Variants in NBPF10 observed in about 807,000 individuals in gnomAD.
The protein encoded by NBPF10 is NBPF member 10.
Under a neutral mutation model 77.9 loss-of-function variants are expected in NBPF10, and 63 were observed. That is an observed-to-expected ratio of 0.81 (90% confidence interval 0.66 to 1.00). The LOEUF (loss-of-function observed/expected upper bound fraction) is 1.00, where lower values mean the gene tolerates loss of function less well. Ranked by LOEUF, NBPF10 falls within the 50% of genes least tolerant of loss-of-function variation. NBPF10 has a pLI of 0.00. For synonymous variants in NBPF10, 146 were observed against 264.5 expected (o/e 0.55, Z 4.35); for missense variants, 522 against 679.8 (o/e 0.77, Z 2.58).
chr1:146,067,892 T>A (rs1467626426), intron 88 of NBPF10, 111 bp downstream of exon 88: 1 of 699,962 alleles, frequency 1.4e-6, no homozygotes, highest in Non-Finnish European at 2.6e-6. Context: ...CCATAGGTCC[T>A]GCCTGCGGCA....
At chr1:146,135,876 G>C (rs113022147) in intron 7 of NBPF10, among the ~76,000 whole-genome samples, 1 of 143,250 alleles carries the variant, frequency 7.0e-6, no homozygotes, top group Non-Finnish European at 1.5e-5. Flanking sequence ...GCGGCCACTA[G>C]ATACAAAGCC....
At chr1:146,140,287 T>C (rs1571231092) in intron 4 of NBPF10, among the ~76,000 whole-genome samples, 197 bp downstream of exon 4, 1 of 127,376 alleles carries the variant, frequency 7.9e-6, no homozygotes, top group Middle Eastern at 3.5e-3. Flanking sequence ...TATCCCTGCA[T>C]GGTACAGACA....
At chr1:146,081,030 C>CAGAGAG (rs1174335533) in intron 71 of NBPF10, among the ~76,000 whole-genome samples, 6 of 35,436 alleles carry the variant, frequency 1.7e-4, no homozygotes, top group Non-Finnish European at 2.5e-4. Flanking sequence ...CACACACACA[C>CAGAGAG]AGAGAGAGAG....
rs1659126350 is a variant in NBPF10 at position 146,129,942 on chromosome 1, G to C, written c.1638-1660C>G. The stretch of plus-strand genomic sequence containing the variant: ...TAATACTTTAAGTCTTAGGGTACAT[G>C]TGCACAACGTGCAGGTTAGTTACAT... On this transcript the variant is annotated intron_variant, in intron 11 of 89. Coordinates refer to ENST00000583866, the Ensembl canonical transcript of NBPF10. 3.1e-5 allele frequency among the ~76,000 whole-genome samples: 3 copies of C among 97,636 alleles called. 1 individual carries two copies. In the Admixed American group the frequency reaches 3.2e-4, roughly 10 times the overall value. The allele number at this position is 97,636 out of a possible 152,430, so 64.1% of individuals were successfully genotyped here.
chr1:146,080,990 C>G (rs1229912094), intron 71 of NBPF10, among the ~76,000 whole-genome samples: 20 of 79,582 alleles, frequency 2.5e-4, no homozygotes, highest in African/African-American at 5.3e-4. Context: ...CACACACACA[C>G]ACACACACAC....
Position 146,126,320 on chromosome 1 carries a change from C to G in NBPF10, c.1942G>C (p.Glu648Gln), listed in dbSNP as rs587712953. 6.5e-5 allele frequency: 88 copies of G among 1,351,732 alleles called. No individual in the cohort carries two copies. The Admixed American group carries it at 7.6e-4, about 12-fold the overall frequency. The allele number at this position is 1,351,732 out of a possible 1,614,324, so 83.7% of individuals were successfully genotyped here. The change falls in exon 14 of 90, where the codon GAA becomes CAA. Residue 648 changes from glutamate to glutamine, a missense_variant. By Grantham distance (29) the Glu-to-Gln change is conservative. Around this residue, in one of 9 missense-constraint regions of NBPF10, gnomAD observed 178 missense variants for 77.7 expected, o/e 2.29. Transcript: ENST00000583866. ...TAGGGCTGGCATGAGTCAGTCAGTT[C>G]AAGACAACCTGAAGGAGTTGAATAA...
chr1:146,066,721 G>C (rs1208934721), intron 89 of NBPF10, among the ~76,000 whole-genome samples, 160 bp from the exon 90 acceptor site: 3 of 149,722 alleles, frequency 2.0e-5, no homozygotes, highest in South Asian at 2.2e-4. Context: ...TGTTGGGATA[G>C]AACAGGGCCA....
intron 13 of NBPF10, among the ~76,000 whole-genome samples, chr1:146,126,732 T>C (rs1553790230): frequency 6.9e-6 from 1 of 145,574 alleles, no homozygotes; most frequent in Admixed American, 7.0e-5. Context: ...ACAGTGATCA[T>C]GAAAAGCATG....
At chr1:146,124,601 G>A (rs1658414685) in intron 16 of NBPF10, 87 bp downstream of exon 16, 1 of 55,554 alleles carries the variant, frequency 1.8e-5, no homozygotes, top group Non-Finnish European at 3.1e-5. Context: ...ACGTCTCTCG[G>A]GTCAGTAAGG....
intron 85 of NBPF10, 41 bp downstream of exon 85, chr1:146,070,283 T>G (rs1163081174): frequency 8.9e-6 from 2 of 223,846 alleles, no homozygotes; most frequent in Non-Finnish European, 1.5e-5. Context: ...TGCCTCCAGG[T>G]GTTAACACAG....
At chr1:146,139,077 C>T (rs1263958696) in intron 5 of NBPF10, among the ~76,000 whole-genome samples, 5 of 134,720 alleles carry the variant, frequency 3.7e-5, no homozygotes, top group East Asian at 4.5e-4. Flanking sequence ...GCCAGCGCCC[C>T]TGGTCAGAGA....
intron 19 of NBPF10, 105 bp from the exon 20 acceptor site, chr1:146,121,775 G>C (rs1658196375): frequency 1.6e-6 from 1 of 608,308 alleles, no homozygotes; most frequent in Admixed American, 2.9e-5. Flanking sequence ...AAAAGAAAAA[G>C]GACAGATCCA....
At position 146,068,572 on chromosome 1, in the gene NBPF10, C is replaced by A. The variant is rs879972234; in HGVS notation, c.10862+200G>T. 6.7e-5 allele frequency among the ~76,000 whole-genome samples: 2 copies of A among 29,992 alleles called. 1 individual carries two copies. The highest frequency in any genetic ancestry group is 1.8e-4 in the African/African-American group (2 of 10,918). 19.7% of individuals were successfully genotyped at this position (29,992 alleles called of 152,430 possible). On this transcript the variant is annotated intron_variant, in intron 87 of 89. Transcript: ENST00000583866. Reference sequence around the variant, plus strand: ...CATACAGCCTTTGACGTATGGTCAACCTATAGTAAGTGAGTAAATGATAAG... The same window carrying A: ...CATACAGCCTTTGACGTATGGTCAAACTATAGTAAGTGAGTAAATGATAAG...
intron 35 of NBPF10, 37 bp from the exon 36 acceptor site, chr1:146,109,151 GA>G (rs1657322018): frequency 2.1e-4 from 9 of 43,652 alleles, no homozygotes; most frequent in African/African-American, 1.7e-3. Flanking sequence ...TAAGCCAGGG[GA>G]AATCAGACAC....
At chr1:146,067,917 G>A (rs1166472153) in intron 88 of NBPF10, 86 bp downstream of exon 88, 3 of 706,920 alleles carry the variant, frequency 4.2e-6, no homozygotes, top group African/African-American at 3.6e-5. Context: ...CGTCTCTCGG[G>A]TCAGCAAGGG....
chr1:146,142,337 C>T (rs4339812), intron 2 of NBPF10, among the ~76,000 whole-genome samples: 36 of 130,474 alleles, frequency 2.8e-4, no homozygotes, highest in East Asian at 1.8e-3. Context: ...AGTGGGGTGG[C>T]GATAGCACAC....
intron 5 of NBPF10, among the ~76,000 whole-genome samples, chr1:146,139,387 G>A (rs587741756): frequency 6.6e-6 from 1 of 151,852 alleles, no homozygotes; most frequent in African/African-American, 2.4e-5. Flanking sequence ...CGGATTACAG[G>A]TGTGACCCAC....
chr1:146,066,852 C>A (rs1655123743), intron 89 of NBPF10, among the ~76,000 whole-genome samples: 1 of 151,500 alleles, frequency 6.6e-6, no homozygotes, highest in Admixed American at 6.6e-5. Context: ...AAAGGACACT[C>A]TGACTTAGTG....
chr1:146,141,756 C>T lies in NBPF10; in HGVS notation c.341G>A (p.Arg114Gln), dbSNP rs781792217. The change falls in exon 3 of 90, where the codon CGG (arginine) becomes CAG (glutamine). Residue 114 changes from arginine to glutamine, a missense_variant. By Grantham distance (43) the Arg-to-Gln change is conservative. Coordinates refer to ENST00000583866, the Ensembl canonical transcript of NBPF10. The stretch of plus-strand genomic sequence containing the variant: ...TGAGCGGGAGGCATCTCTCCCTTCC[C>T]GTAACTTCTCCCTTAGCTGGGTCAG... 20 of 1,339,146 alleles carry T rather than the reference C, an allele frequency of 1.5e-5. 1 individual carries two copies. Among genetic ancestry groups the T allele is most frequent in the South Asian group, 4.0e-5 (3 of 74,450 alleles). 83.0% of individuals were successfully genotyped at this position (1,339,146 alleles called of 1,614,324 possible). A position where few individuals can be genotyped will look rare whatever the true frequency, so the allele number is the denominator to read the frequency against.
Sources: gnomAD v4.1 joint callset for allele counts (sites outside exome capture counted in the v4.1 genomes callset) on GRCh38, gnomAD v4.1.1 for gene constraint, gnomAD v4.1.1 regional missense constraint, MANE v1.5 for transcripts, NCBI Gene and HGNC (gene_info 2026-07-23, HGNC 2026-07-21) for gene names.